Variants in BRSK2 observed in about 807,000 individuals in gnomAD.
BRSK2 encodes the protein BR serine/threonine kinase 2.
BRSK2 carries 19 observed loss-of-function variants against 83.3 expected under a neutral mutation model. The observed-to-expected ratio is 0.23, with a 90% confidence interval of 0.16 to 0.33. The LOEUF (loss-of-function observed/expected upper bound fraction) is 0.33. BRSK2 is among the 10% of genes least tolerant of loss of function. The probability of loss-of-function intolerance (pLI) is 1.00; values close to 1 mark genes in which losing one functional copy is unlikely to be tolerated. For missense variants in BRSK2, 798 were observed against 1,042.3 expected (o/e 0.77, Z 3.23); for synonymous variants, 519 against 435.4 (o/e 1.19, Z -2.39).
intron 19 of BRSK2, 98 bp downstream of exon 19, chr11:1,459,337 C>T: frequency 7.0e-7 from 1 of 1,420,530 alleles, no homozygotes. Context: ...GTTGTCCCGG[C>T]CTCCCTGTGT....
chr11:1,458,572 C>G (rs530170938), intron 18 of BRSK2, among the ~76,000 whole-genome samples: 1 of 152,142 alleles, frequency 6.6e-6, no homozygotes, highest in African/African-American at 2.4e-5. Flanking sequence ...CCAGAGACTG[C>G]GGCCGAGGGA....
At chr11:1,421,929 C>CG (rs1202482592) in intron 1 of BRSK2, among the ~76,000 whole-genome samples, 1 of 140,160 alleles carries the variant, frequency 7.1e-6, no homozygotes, top group African/African-American at 2.6e-5. Context: ...GTGAGCACGG[C>CG]GGCCTGACCA....
At chr11:1,444,086 C>T (rs1455846606) in intron 8 of BRSK2, among the ~76,000 whole-genome samples, 23 of 152,038 alleles carry the variant, frequency 1.5e-4, no homozygotes. Flanking sequence ...GTGGGGTGTG[C>T]ACAGGTGTGG....
chr11:1,437,935 T>G (rs1026282519), intron 2 of BRSK2, among the ~76,000 whole-genome samples: 1 of 152,066 alleles, frequency 6.6e-6, no homozygotes, highest in Non-Finnish European at 1.5e-5. Flanking sequence ...CAGGCTGGTG[T>G]CAGCCCGGCG....
Position 1,435,898 on chromosome 11 carries a change from C to A in BRSK2, c.92-142C>A, listed in dbSNP as rs111953313. On this transcript the variant is annotated intron_variant, in intron 1 of 19. Transcript: ENST00000528841. ...GAGCTGTTCTGGACAGCGACCCAGGCGGGCAGGGGCCTCCGGCCCTGGAGC... is the reference window on the plus strand; with the variant it reads ...GAGCTGTTCTGGACAGCGACCCAGGAGGGCAGGGGCCTCCGGCCCTGGAGC... 160 of 595,876 alleles carry A rather than the reference C, an allele frequency of 2.7e-4. No homozygotes were observed. The African/African-American group carries it at 2.7e-3, about 10-fold the overall frequency. The allele number at this position is 595,876 out of a possible 1,614,324, so 36.9% of individuals were successfully genotyped here.
chr11:1,412,571 G>A (rs905489422), intron 1 of BRSK2, among the ~76,000 whole-genome samples: 9 of 152,200 alleles, frequency 5.9e-5, no homozygotes, highest in Admixed American at 4.6e-4. Flanking sequence ...TTTGGTAGGC[G>A]GGGCCGAGGG....
chr11:1,408,812 G>GGTGTGTGT (rs752611597), intron 1 of BRSK2, among the ~76,000 whole-genome samples: 1 of 143,154 alleles, frequency 7.0e-6, no homozygotes, highest in Non-Finnish European at 1.5e-5. Context: ...TGCCTGTGCT[G>GGTGTGTGT]GTGTGTGTGT....
At chr11:1,451,662 G>A (rs12790367) in intron 15 of BRSK2, among the ~76,000 whole-genome samples, 1 of 152,216 alleles carries the variant, frequency 6.6e-6, no homozygotes, top group Non-Finnish European at 1.5e-5. Flanking sequence ...GGAGAGCCTA[G>A]GGTTGGCTGG....
At chr11:1,424,624 C>T (rs779381870) in intron 1 of BRSK2, among the ~76,000 whole-genome samples, 1 of 152,232 alleles carries the variant, frequency 6.6e-6, no homozygotes, top group Non-Finnish European at 1.5e-5. Context: ...CACCTGCTGC[C>T]CTGCCCTCCA....
At chr11:1,411,198 T>G in intron 1 of BRSK2, 1 of 1,237,858 alleles carries the variant, frequency 8.1e-7, no homozygotes, top group East Asian at 3.2e-5. Context: ...GAGCCAGCCT[T>G]GCTGAGGGGA....
rs186280290 is a variant in BRSK2, at chr11:1,423,321, C to G, written c.92-12719C>G. On this transcript the variant is annotated intron_variant, in intron 1 of 19. Coordinates refer to ENST00000528841, the MANE Select transcript of BRSK2 (RefSeq NM_001256627.2). The surrounding 1 kb of genome is among the most constrained non-coding windows in gnomAD (Gnocchi z 6.5). ...AGCGTCTTGAGGCTAGGGGTGAGTTCGAGACCTCGTAAATACTTCAGTGCA... is the reference window on the plus strand; with the variant it reads ...AGCGTCTTGAGGCTAGGGGTGAGTTGGAGACCTCGTAAATACTTCAGTGCA... 6.6e-6 allele frequency among the ~76,000 whole-genome samples: 1 copy of G among 152,090 alleles called. No individual in the cohort carries two copies. The highest frequency in any genetic ancestry group is 2.4e-5 in the African/African-American group (1 of 41,410).
At chr11:1,456,806 GC>G in intron 18 of BRSK2, 119 bp downstream of exon 18, 1 of 1,307,974 alleles carries the variant, frequency 7.6e-7, no homozygotes, top group Non-Finnish European at 1.1e-6. Context: ...CTTGACGGAC[GC>G]CCCCACCTCC....
chr11:1,454,444 C>T lies in BRSK2; in HGVS notation c.1545-41C>T, dbSNP rs1846225436. ...GAGGGAGGCAGGGGTGTGGACGGTG[C>T]CACACCTCAATCCTCACAGCCTCTG... is the stretch of plus-strand genomic sequence containing the variant. On this transcript the variant is annotated intron_variant, in intron 15 of 19. Coordinates refer to ENST00000528841, the MANE Select transcript of BRSK2 (RefSeq NM_001256627.2). This position sits in a 1 kb window ranked among gnomAD's most constrained non-coding sequence, Gnocchi z 5.2. 1 of 1,609,786 alleles carries T rather than the reference C, an allele frequency of 6.2e-7. No individual in the cohort carries two copies. Among genetic ancestry groups the T allele is most frequent in the Non-Finnish European group, 8.5e-7 (1 of 1,178,396 alleles).
intron 1 of BRSK2, among the ~76,000 whole-genome samples, chr11:1,402,996 C>T (rs1044358755): frequency 1.7e-4 from 26 of 152,234 alleles, no homozygotes; most frequent in African/African-American, 5.5e-4. Flanking sequence ...CCAGAGCCGC[C>T]GAGGGCGTTT....
At chr11:1,413,522 TGG>T (rs1159748316) in intron 1 of BRSK2, among the ~76,000 whole-genome samples, 2 of 152,184 alleles carry the variant, frequency 1.3e-5, no homozygotes, top group African/African-American at 4.8e-5. Flanking sequence ...CCTTCTGCCC[TGG>T]GAGCCCTACA....
Position 1,443,106 on chromosome 11 carries a change from G to A in BRSK2, c.531G>A (p.Gly177=). The change falls in exon 6 of 20, where the codon GGG becomes GGA. Residue 177 remains glycine (G), a splice_region_variant and synonymous_variant. Transcript: ENST00000528841. ...VGDSLLETSC[G]SPHYACPEVI... is the part of the protein sequence containing the mutation. ...CGCTGACCTCTGCCCTTGCCCGCAG[G>A]TCCCCCCACTACGCCTGCCCCGAGG... The A allele has an allele frequency of 6.5e-7, 1 of 1,534,874 alleles. No homozygotes were observed. Among genetic ancestry groups the A allele is most frequent in the Non-Finnish European group, 8.7e-7 (1 of 1,146,026 alleles).
intron 2 of BRSK2, among the ~76,000 whole-genome samples, chr11:1,436,524 C>T (rs1850318781): frequency 6.6e-6 from 1 of 152,178 alleles, no homozygotes; most frequent in South Asian, 2.1e-4. Context: ...GGAGCTGCAC[C>T]TTCCTCTTCC....
At chr11:1,409,382 C>T (rs1317560243) in intron 1 of BRSK2, 1 of 152,236 alleles carries the variant, frequency 6.6e-6, no homozygotes, top group Non-Finnish European at 1.5e-5. Flanking sequence ...ATTTACCTGT[C>T]CTTGGCTCAT....
rs4963048 is a variant in BRSK2 at position 1,460,700 on chromosome 11, A to G, written c.2188A>G (p.Thr730Ala). Residue 730 changes from threonine to alanine, a missense_variant, in exon 20 of 20, where the codon ACC (threonine) becomes GCC (alanine). Transcript: ENST00000528841. ...GKDTAKMGPP[T>A]ARREQP Reference sequence around the variant, plus strand: ...GGACACGGCCAAGATGGGCCCGCCCACCGCCCGCCGCGAGCAGCCTTAGAC... The same window carrying G: ...GGACACGGCCAAGATGGGCCCGCCCGCCGCCCGCCGCGAGCAGCCTTAGAC... The G allele has an allele frequency of 0.67, 991,655 of 1,487,400 alleles. 332,675 individuals carry two copies. The highest frequency in any genetic ancestry group is 0.73 in the African/African-American group (49,276 of 67,374). 92.1% of individuals were successfully genotyped at this position (1,487,400 alleles called of 1,614,324 possible). A position where few individuals can be genotyped will look rare whatever the true frequency, so the allele number is the denominator to read the frequency against.
Sources: allele counts gnomAD v4.1 joint callset (sites outside exome capture counted in the v4.1 genomes callset), GRCh38; gene constraint gnomAD v4.1.1; non-coding constraint Gnocchi (gnomAD v3.1); transcripts MANE v1.5; gene names NCBI Gene and HGNC (gene_info 2026-07-23, HGNC 2026-07-21).